Variants in BICD1 observed in about 807,000 individuals in gnomAD.
The protein encoded by BICD1 is protein bicaudal D homolog 1.
In BICD1, 35 loss-of-function variants were observed where a neutral mutation model predicts 92.5. That is an observed-to-expected ratio of 0.38 (90% confidence interval 0.29 to 0.50). BICD1 has a LOEUF of 0.50. BICD1 is among the 20% of genes least tolerant of loss of function. The pLI is 0.93. For missense variants in BICD1, 950 were observed against 1,189.8 expected (o/e 0.80, Z 2.97); for synonymous variants, 429 against 465.1 (o/e 0.92, Z 1.00).
At chr12:32,239,342 G>A (rs1213282388) in intron 2 of BICD1, among the ~76,000 whole-genome samples, 2 of 151,124 alleles carry the variant, frequency 1.3e-5, no homozygotes, top group African/African-American at 2.4e-5. Flanking sequence ...CGAGGCAGGC[G>A]GATCATCTGA....
intron 1 of BICD1, among the ~76,000 whole-genome samples, chr12:32,168,987 A>C (rs951692527): frequency 6.6e-6 from 1 of 151,764 alleles, no homozygotes; most frequent in Non-Finnish European, 1.5e-5. Context: ...ACAAACCCAA[A>C]ATTGACCATT....
chr12:32,169,193 C>A (rs566574764), intron 1 of BICD1, among the ~76,000 whole-genome samples: 3 of 151,572 alleles, frequency 2.0e-5, no homozygotes, highest in South Asian at 2.1e-4. Flanking sequence ...TTAATTATCT[C>A]GTAAAAAGAT....
rs770033744 is a variant in BICD1 at position 32,377,593 on chromosome 12, C to T, written c.2894C>T (p.Pro965Leu). 2.5e-6 allele frequency: 4 copies of T among 1,614,020 alleles called. No homozygotes were observed. In the African/African-American group the frequency reaches 4.0e-5, roughly 16 times the overall value. ...CCACATTCCAGCTCCCAGTGCGCCC[C>T]TCTCCACTGTCTCTCCAAGCCTCCT... ...EQPHSSSQCA[P>L]LHCLSKPPHP The change falls in exon 10 of 10, where the codon CCT becomes CTT. Residue 965 changes from proline to leucine, a missense_variant. By Grantham distance (98) the Pro-to-Leu change is moderately conservative (BLOSUM62 -3). Around this residue, in one of 5 missense-constraint regions of BICD1, gnomAD observed 179 missense variants for 186.7 expected, o/e 0.96. Coordinates refer to ENST00000652176, the MANE Select transcript of BICD1 (RefSeq NM_001714.4).
intron 2 of BICD1, among the ~76,000 whole-genome samples, chr12:32,261,653 C>G (rs1946863013): frequency 6.6e-6 from 1 of 152,218 alleles, no homozygotes; most frequent in Non-Finnish European, 1.5e-5. Context: ...CTGGAGGATT[C>G]CACCACCTTT....
intron 1 of BICD1, among the ~76,000 whole-genome samples, chr12:32,128,085 G>A (rs1427538338): frequency 6.6e-6 from 1 of 151,982 alleles, no homozygotes; most frequent in African/African-American, 2.4e-5. Context: ...TGTATTTTTA[G>A]TAGAGACAGG....
chr12:32,324,279 C>T (rs942124103), intron 4 of BICD1, among the ~76,000 whole-genome samples: 6 of 148,198 alleles, frequency 4.0e-5, no homozygotes, highest in South Asian at 2.2e-4. Flanking sequence ...CGCTTGAACC[C>T]GGGAGGCGGA....
chr12:32,240,206 C>G (rs184799688), intron 2 of BICD1, among the ~76,000 whole-genome samples: 91 of 152,192 alleles, frequency 6.0e-4, no homozygotes, highest in Non-Finnish European at 1.1e-3. Flanking sequence ...ATTTTCACCC[C>G]TTTGGGGGCC....
At chr12:32,340,519 G>A in intron 8 of BICD1, 1 of 961,404 alleles carries the variant, frequency 1.0e-6, no homozygotes, top group Non-Finnish European at 1.2e-6. Context: ...AAAAGAAATT[G>A]GTATGATTAA....
At chr12:32,229,589 A>C (rs1945808992) in intron 2 of BICD1, among the ~76,000 whole-genome samples, 1 of 152,238 alleles carries the variant, frequency 6.6e-6, no homozygotes, top group Non-Finnish European at 1.5e-5. Flanking sequence ...ACAAGGGGTC[A>C]TTGGTCACCT....
At chr12:32,201,366 C>T (rs1944901712) in intron 1 of BICD1, among the ~76,000 whole-genome samples, 1 of 152,120 alleles carries the variant, frequency 6.6e-6, no homozygotes, top group Admixed American at 6.5e-5. Context: ...ACAAAACTTG[C>T]ATTTAAATGA....
intron 1 of BICD1, among the ~76,000 whole-genome samples, chr12:32,173,123 C>G (rs1341168520): frequency 6.6e-6 from 1 of 152,038 alleles, no homozygotes; most frequent in Non-Finnish European, 1.5e-5. Context: ...TCGTGGATCA[C>G]TGCAACCTCC....
chr12:32,240,531 C>T (rs1042010730), intron 2 of BICD1, among the ~76,000 whole-genome samples: 1 of 152,212 alleles, frequency 6.6e-6, no homozygotes, highest in Non-Finnish European at 1.5e-5. Flanking sequence ...TCAAGTCTCC[C>T]TCTGCCTGCC....
In BICD1 at chr12:32,328,509, G is replaced by A; in HGVS notation, c.2054G>A (p.Arg685Gln). The A allele has an allele frequency of 6.2e-7, 1 of 1,614,086 alleles. No individual in the cohort carries two copies. Among genetic ancestry groups the A allele is most frequent in the South Asian group, 1.1e-5 (1 of 91,076 alleles). Residue 685 changes from arginine (R) to glutamine (Q), a missense_variant, in exon 5 of 10, where the codon CGG becomes CAG. Transcript: ENST00000652176. The surrounding 1 kb of genome is among the most constrained non-coding windows in gnomAD (Gnocchi z 4.4). ...LKLKSLLSTK[R>Q]EQIATLRAVL... ...CTAAAGTCCCTGCTGAGCACCAAAC[G>A]GGAGCAGATCGCCACATTGAGGGCG...
chr12:32,311,234 A>C (rs1948367464), intron 4 of BICD1, among the ~76,000 whole-genome samples: 1 of 152,248 alleles, frequency 6.6e-6, no homozygotes, highest in African/African-American at 2.4e-5. Context: ...GCGGTGGCTC[A>C]CGCCTGTAAT....
At chr12:32,148,593 C>T (rs186687864) in intron 1 of BICD1, among the ~76,000 whole-genome samples, 2 of 152,162 alleles carry the variant, frequency 1.3e-5, no homozygotes, top group Non-Finnish European at 2.9e-5. Flanking sequence ...GTCAAATTCA[C>T]CAAGTTATGC....
chr12:32,240,842 A>G (rs1270317526), intron 2 of BICD1, among the ~76,000 whole-genome samples: 3 of 152,260 alleles, frequency 2.0e-5, no homozygotes, highest in East Asian at 1.9e-4. Flanking sequence ...ATTCTTTATT[A>G]TATCTCATTC....
At position 32,334,468 on chromosome 12, in the gene BICD1, G is replaced by A. The variant is rs527729053; in HGVS notation, c.2101-48G>A. The A allele has an allele frequency of 5.8e-6, 9 of 1,547,652 alleles. No homozygotes were observed. The African/African-American group carries it at 1.2e-4, about 21-fold the overall frequency. On this transcript the variant is annotated intron_variant, in intron 5 of 9. Transcript: ENST00000652176. ...CACAGCATGAAGCAATCTGTATGATGGATTTTCCTGATATGAAAATTGTAA... is the reference window on the plus strand; with the variant it reads ...CACAGCATGAAGCAATCTGTATGATAGATTTTCCTGATATGAAAATTGTAA...
At chr12:32,134,033 G>A (rs916326120) in intron 1 of BICD1, among the ~76,000 whole-genome samples, 3 of 152,000 alleles carry the variant, frequency 2.0e-5, no homozygotes, top group Non-Finnish European at 2.9e-5. Context: ...CACCCACCTC[G>A]GCCTCCCAAA....
At chr12:32,329,971 C>T (rs1937769855) in intron 5 of BICD1, among the ~76,000 whole-genome samples, 1 of 151,378 alleles carries the variant, frequency 6.6e-6, no homozygotes, top group South Asian at 2.1e-4. Context: ...GCACCAAATA[C>T]CCTCCTGCAA....
Sources: gnomAD v4.1 joint callset for allele counts (sites outside exome capture counted in the v4.1 genomes callset) on GRCh38, gnomAD v4.1.1 for gene constraint, gnomAD v4.1.1 regional missense constraint, Gnocchi (gnomAD v3.1) non-coding constraint, MANE v1.5 for transcripts, NCBI Gene and HGNC (gene_info 2026-07-23, HGNC 2026-07-21) for gene names.